Variants in TDRD5 observed in about 807,000 individuals in gnomAD.
TDRD5 encodes tudor domain-containing protein 5.
A neutral mutation model predicts 120.6 loss-of-function variants in TDRD5; 41 were observed. The ratio of observed to expected loss-of-function variants is 0.34; its 90% CI spans 0.26 to 0.44. The LOEUF (loss-of-function observed/expected upper bound fraction) is 0.44, where lower values mean the gene tolerates loss of function less well. Ranked by LOEUF, TDRD5 falls within the 20% of genes least tolerant of loss-of-function variation. TDRD5 has a pLI of 1.00. For missense variants in TDRD5, 1,006 were observed against 1,221.2 expected (o/e 0.82, Z 2.63); for synonymous variants, 430 against 433.7 (o/e 0.99, Z 0.11).
At chr1:179,642,153 T>C (rs1678086427) in intron 11 of TDRD5, among the ~76,000 whole-genome samples, 1 of 151,686 alleles carries the variant, frequency 6.6e-6, no homozygotes, top group Admixed American at 6.6e-5. Flanking sequence ...CAGGCTGGAG[T>C]GCAGTGGTGC....
At chr1:179,669,039 C>T (rs996685566) in intron 16 of TDRD5, among the ~76,000 whole-genome samples, 155 bp from the exon 17 acceptor site, 2 of 151,826 alleles carry the variant, frequency 1.3e-5, no homozygotes, top group African/African-American at 2.4e-5. Flanking sequence ...CCACCGCGCC[C>T]GGCTGAGAGT....
intron 17 of TDRD5, among the ~76,000 whole-genome samples, chr1:179,690,236 ACTT>A (rs969214899): frequency 3.3e-5 from 5 of 151,866 alleles, no homozygotes; most frequent in African/African-American, 1.2e-4. Flanking sequence ...GGTTTGGGGG[ACTT>A]CTTAGCAACC....
In TDRD5 at chr1:179,592,706, T is replaced by A; in HGVS notation, c.91T>A (p.Leu31Met). 6.2e-7 allele frequency: 1 copy of A among 1,613,714 alleles called. No individual in the cohort carries two copies. Among genetic ancestry groups the A allele is most frequent in the Non-Finnish European group, 8.5e-7 (1 of 1,179,934 alleles). Residue 31 changes from leucine (L) to methionine (M), a missense_variant, in exon 2 of 18, where the codon TTG (leucine) becomes ATG (methionine). Leu to Met is a conservative substitution (Grantham distance 15, BLOSUM62 2). Around this residue, in one of 3 missense-constraint regions of TDRD5, gnomAD observed 445 missense variants for 515.5 expected, o/e 0.86. Coordinates refer to ENST00000444136, the MANE Select transcript of TDRD5 (RefSeq NM_001199085.3). Reference protein sequence around the residue: ...STKDGLSPQELEKEYLLMVGN... With the variant: ...STKDGLSPQEMEKEYLLMVGN... ...CAAAGATGGTTTGAGCCCACAGGAG[T>A]TGGAGAAGGAGTACCTTTTGATGGT... is the stretch of plus-strand genomic sequence containing the variant.
intron 12 of TDRD5, 150 bp from the exon 13 acceptor site, chr1:179,651,889 G>A (rs1678736481): frequency 3.5e-6 from 3 of 854,632 alleles, no homozygotes; most frequent in South Asian, 3.6e-5. Context: ...CTCCAGCCTG[G>A]GCAACAGAGC....
rs372846286 is a variant in TDRD5, at chr1:179,634,703, C to T, written c.1299+74C>T. 10 of 1,463,642 alleles carry T rather than the reference C, an allele frequency of 6.8e-6. 1 individual carries two copies. The East Asian group carries it at 2.1e-4, about 31-fold the overall frequency. 90.7% of individuals were successfully genotyped at this position (1,463,642 alleles called of 1,614,324 possible). A position where few individuals can be genotyped will look rare whatever the true frequency, so the allele number is the denominator to read the frequency against. On this transcript the variant is annotated intron_variant, in intron 8 of 17. Transcript: ENST00000444136. ...GTAAATGAATGTGTGTTTCTTTAAA[C>T]CAAAATTCTTTTTAGAAAAGTCTTA...
chr1:179,678,272 G>A (rs1680241706), intron 17 of TDRD5, among the ~76,000 whole-genome samples: 1 of 152,186 alleles, frequency 6.6e-6, no homozygotes, highest in Non-Finnish European at 1.5e-5. Flanking sequence ...TCCCTCAACA[G>A]CACCGAGTCT....
At chr1:179,666,254 C>G (rs775458948) in intron 16 of TDRD5, among the ~76,000 whole-genome samples, 27 of 152,224 alleles carry the variant, frequency 1.8e-4, no homozygotes, top group African/African-American at 5.8e-4. Flanking sequence ...GATACACATA[C>G]TGTTCAGCAC....
At chr1:179,621,160 G>A in intron 6 of TDRD5, 69 bp downstream of exon 6, 2 of 1,424,678 alleles carry the variant, frequency 1.4e-6, no homozygotes, top group Non-Finnish European at 1.9e-6. Flanking sequence ...ATGGAATTTT[G>A]TGGCTACTCC....
At chr1:179,656,081 G>C (rs1678992957) in intron 14 of TDRD5, among the ~76,000 whole-genome samples, 1 of 152,136 alleles carries the variant, frequency 6.6e-6, no homozygotes. Context: ...AGTTCCAGTT[G>C]CTCCATTTTC....
chr1:179,628,562 C>T (rs61826408), intron 6 of TDRD5, among the ~76,000 whole-genome samples: 10 of 151,784 alleles, frequency 6.6e-5, no homozygotes, highest in Non-Finnish European at 1.0e-4. Context: ...CTGCCTCAGC[C>T]TCCCAAAGTG....
intron 7 of TDRD5, among the ~76,000 whole-genome samples, chr1:179,633,554 A>G (rs1572374898): frequency 6.6e-6 from 1 of 151,262 alleles, no homozygotes; most frequent in African/African-American, 2.4e-5. Flanking sequence ...GTTTCATCAT[A>G]TTGGCCAGGC....
chr1:179,691,132 CTG>C lies in TDRD5; in HGVS notation c.*191_*192del. On this transcript the variant is annotated 3_prime_UTR_variant, in exon 18 of 18. Coordinates refer to ENST00000444136, the MANE Select transcript of TDRD5 (RefSeq NM_001199085.3). ...ATGTGTAAGTAAGTATTGATATTTA[CTG>C]TTAATCTTGATTTTTCTTGATTTTA... 6 of 645,644 alleles carry C rather than the reference CTG, an allele frequency of 9.3e-6. No homozygotes were observed. The highest frequency in any genetic ancestry group is 1.4e-5 in the Non-Finnish European group (6 of 423,738). 40.0% of individuals were successfully genotyped at this position (645,644 alleles called of 1,614,324 possible). A position where few individuals can be genotyped will look rare whatever the true frequency, so the allele number is the denominator to read the frequency against.
intron 14 of TDRD5, among the ~76,000 whole-genome samples, chr1:179,657,845 T>A (rs1679089916): frequency 6.6e-6 from 1 of 152,156 alleles, no homozygotes; most frequent in African/African-American, 2.4e-5. Flanking sequence ...ATATTTGTTA[T>A]TTTTTTGTGG....
rs1678682742 is a variant in TDRD5 at position 179,651,039 on chromosome 1, T to C, written c.1973T>C (p.Ile658Thr). Residue 658 changes from isoleucine (I) to threonine (T), a missense_variant, in exon 12 of 18, where the codon ATT (isoleucine) becomes ACT (threonine). Physicochemically the swap from Ile to Thr is moderately conservative, Grantham distance 89. Around this residue, in one of 3 missense-constraint regions of TDRD5, gnomAD observed 403 missense variants for 448.1 expected, o/e 0.90. Transcript: ENST00000444136. ...HHVLRTEGHA[I>T]VCRENISSKG... Reference sequence around the variant, plus strand: ...GTCTTGAGAACAGAGGGCCATGCTATTGTATGCCGAGAAAATATCTCTTCT... The same window carrying C: ...GTCTTGAGAACAGAGGGCCATGCTACTGTATGCCGAGAAAATATCTCTTCT... 1.2e-6 allele frequency: 2 copies of C among 1,614,146 alleles called. No homozygotes were observed. Among genetic ancestry groups the C allele is most frequent in the Non-Finnish European group, 1.7e-6 (2 of 1,180,012 alleles).
At chr1:179,641,208 GGATT>G (rs1332696493) in intron 11 of TDRD5, among the ~76,000 whole-genome samples, 3 of 151,914 alleles carry the variant, frequency 2.0e-5, no homozygotes, top group African/African-American at 7.3e-5. Context: ...ACATATAAAT[GGATT>G]ATTTTAAAAA....
chr1:179,679,123 T>G (rs1680297877), intron 17 of TDRD5, among the ~76,000 whole-genome samples: 1 of 152,220 alleles, frequency 6.6e-6, no homozygotes, highest in Admixed American at 6.5e-5. Flanking sequence ...GAGATGGTTA[T>G]GCTGTTGCTT....
At chr1:179,619,919 G>C (rs1440947688) in intron 5 of TDRD5, among the ~76,000 whole-genome samples, 2 of 152,054 alleles carry the variant, frequency 1.3e-5, no homozygotes, top group Non-Finnish European at 2.9e-5. Context: ...TTTTTTTGTG[G>C]TACCAAAAAT....
In TDRD5 at chr1:179,622,975, T is replaced by A. The variant is rs1158814610; in HGVS notation, c.972+1884T>A. ...AAAAATGCAGAAAACCAAATATAAG[T>A]AGAAAATTCTGAAAGCAGCCAGACT... On this transcript the variant is annotated intron_variant, in intron 6 of 17. Transcript: ENST00000444136. Among the ~76,000 whole-genome samples the A allele has an allele frequency of 3.3e-5, 5 of 152,198 alleles. No homozygotes were observed. The East Asian group carries it at 7.7e-4, about 24-fold the overall frequency.
intron 6 of TDRD5, among the ~76,000 whole-genome samples, chr1:179,622,320 C>T (rs1676884233): frequency 1.3e-5 from 2 of 152,138 alleles, no homozygotes; most frequent in South Asian, 4.1e-4. Flanking sequence ...AAACAATAAT[C>T]TCCAAAAGAG....
Sources: allele counts gnomAD v4.1 joint callset (sites outside exome capture counted in the v4.1 genomes callset), GRCh38; gene constraint gnomAD v4.1.1; regional missense constraint gnomAD v4.1.1; transcripts MANE v1.5; gene names NCBI Gene and HGNC (gene_info 2026-07-23, HGNC 2026-07-21).